Variants in G3BP1 observed in about 807,000 individuals in gnomAD.
The protein encoded by G3BP1 is G3BP stress granule assembly factor 1, also known as ras GTPase-activating protein-binding protein 1.
A neutral mutation model predicts 58.6 loss-of-function variants in G3BP1; 35 were observed. The ratio of observed to expected loss-of-function variants is 0.60; its 90% CI spans 0.46 to 0.79. G3BP1 has a LOEUF of 0.79. Ranked by LOEUF, G3BP1 falls within the 30% of genes least tolerant of loss-of-function variation. G3BP1 has a pLI of 0.00. For missense variants in G3BP1, 523 were observed against 580.8 expected (o/e 0.90, Z 1.02); for synonymous variants, 191 against 195.4 (o/e 0.98, Z 0.19).
intron 4 of G3BP1, among the ~76,000 whole-genome samples, chr5:151,793,911 G>C (rs1762703537): frequency 6.6e-6 from 1 of 151,898 alleles, no homozygotes. Context: ...CTACTTAGGA[G>C]GCTGAGGCAG....
rs781172966 is a variant in G3BP1 at position 151,812,740 on chromosome 5, G to C, written c.*8649G>C. 2.0e-5 allele frequency: 3 copies of C among 152,180 alleles called. No individual in the cohort carries two copies. The highest frequency in any genetic ancestry group is 2.9e-5 in the Non-Finnish European group (2 of 68,018). 9.4% of individuals were successfully genotyped at this position (152,180 alleles called of 1,614,324 possible). On this transcript the variant is annotated 3_prime_UTR_variant, in exon 12 of 12. Transcript: ENST00000356245. ...AATAACCCCTTCCTCCAGTGACTGT[G>C]CATTTATTTTGTAATAAACTCATTT...
Position 151,797,210 on chromosome 5 carries a change from A to T in G3BP1, c.540-17A>T, listed in dbSNP as rs1342807420. On this transcript the variant is annotated splice_polypyrimidine_tract_variant and intron_variant, in intron 6 of 11. Transcript: ENST00000356245. ...AAATGGTGGCAGAATGATATTTCTC[A>T]AATTTTCCTGTCAAAGTAATGACAT... The T allele has an allele frequency of 5.0e-6, 8 of 1,611,770 alleles. No homozygotes were observed. Among genetic ancestry groups the T allele is most frequent in the Non-Finnish European group, 8.5e-7 (1 of 1,178,858 alleles).
rs1010440795 is a variant in G3BP1 at position 151,795,047 on chromosome 5, G to A, written c.443-432G>A. On this transcript the variant is annotated intron_variant, in intron 5 of 11. Transcript: ENST00000356245. Reference sequence around the variant, plus strand: ...AATTCCAGCACTTTGGGAGGCCCAGGCGGGCAGATCACGAGGTCAGGAGAT... The same window carrying A: ...AATTCCAGCACTTTGGGAGGCCCAGACGGGCAGATCACGAGGTCAGGAGAT... Among the ~76,000 whole-genome samples the A allele has an allele frequency of 5.3e-5, 8 of 152,136 alleles. No homozygotes were observed. In the South Asian group the frequency reaches 8.3e-4, roughly 16 times the overall value.
intron 4 of G3BP1, chr5:151,791,995 T>C: frequency 2.4e-6 from 1 of 421,290 alleles, no homozygotes; most frequent in South Asian, 1.7e-5. Flanking sequence ...GGATGGGAGA[T>C]TCTCTATCTT....
chr5:151,779,237 C>CT (rs1354335266), intron 1 of G3BP1, among the ~76,000 whole-genome samples: 1 of 152,152 alleles, frequency 6.6e-6, no homozygotes, highest in Non-Finnish European at 1.5e-5. Context: ...TGTCTAAAAT[C>CT]TTTGCTTAGT....
rs1274130584 is a variant in G3BP1 at position 151,790,875 on chromosome 5, A to T, written c.178-14A>T. On this transcript the variant is annotated splice_polypyrimidine_tract_variant and intron_variant, in intron 3 of 11. Transcript: ENST00000356245. ...TTCTCAGTTGATTATTATTATTATTATTATTTTTTTAAGGAAATCCACAGG... is the reference window on the plus strand; with the variant it reads ...TTCTCAGTTGATTATTATTATTATTTTTATTTTTTTAAGGAAATCCACAGG... 7.0e-7 allele frequency: 1 copy of T among 1,424,358 alleles called. No individual in the cohort carries two copies. Among genetic ancestry groups the T allele is most frequent in the African/African-American group, 1.4e-5 (1 of 70,218 alleles). The allele number at this position is 1,424,358 out of a possible 1,614,324, so 88.2% of individuals were successfully genotyped here.
chr5:151,798,295 G>A (rs989555814), intron 7 of G3BP1, among the ~76,000 whole-genome samples: 1 of 152,150 alleles, frequency 6.6e-6, no homozygotes, highest in Non-Finnish European at 1.5e-5. Context: ...GCTGCAGTGA[G>A]CTATGATTAT....
chr5:151,777,154 T>C (rs1178601459), intron 1 of G3BP1, among the ~76,000 whole-genome samples: 1 of 152,226 alleles, frequency 6.6e-6, no homozygotes, highest in East Asian at 1.9e-4. Context: ...CTTTTCTTGC[T>C]CTGAGCACAG....
rs1275715317 is a variant in G3BP1 at position 151,807,942 on chromosome 5, G to A, written c.*3851G>A. 2 of 152,180 alleles carry A rather than the reference G, an allele frequency of 1.3e-5. No individual in the cohort carries two copies. Among genetic ancestry groups the A allele is most frequent in the African/African-American group, 4.8e-5 (2 of 41,420 alleles). The allele number at this position is 152,180 out of a possible 1,614,324, so 9.4% of individuals were successfully genotyped here. A position where few individuals can be genotyped will look rare whatever the true frequency, so the allele number is the denominator to read the frequency against. Reference sequence around the variant, plus strand: ...TACTTAAAGGAATCTTTGCAATGCTGCATATAGATAATTGTTGACCTTTTT... The same window carrying A: ...TACTTAAAGGAATCTTTGCAATGCTACATATAGATAATTGTTGACCTTTTT... On this transcript the variant is annotated 3_prime_UTR_variant, in exon 12 of 12. Transcript: ENST00000356245.
At position 151,800,250 on chromosome 5, in the gene G3BP1, C is replaced by A; in HGVS notation, c.988C>A (p.Pro330Thr). Residue 330 changes from proline (P) to threonine (T), a missense_variant, in exon 10 of 12, where the codon CCC becomes ACC. By Grantham distance (38) the Pro-to-Thr change is conservative. Coordinates refer to ENST00000356245, the MANE Select transcript of G3BP1 (RefSeq NM_005754.3). ...REAGEQGDIE[P>T]RRMVRHPDSH... ...GGCTGGTGAGCAAGGTGACATTGAA[C>A]CCCGAAGAATGGTGAGACACCCTGA... 6.2e-7 allele frequency: 1 copy of A among 1,612,712 alleles called. No individual in the cohort carries two copies. Among genetic ancestry groups the A allele is most frequent in the South Asian group, 1.1e-5 (1 of 91,032 alleles).
chr5:151,780,014 T>A (rs1006586806), intron 1 of G3BP1, among the ~76,000 whole-genome samples: 2 of 152,220 alleles, frequency 1.3e-5, no homozygotes, highest in Admixed American at 1.3e-4. Flanking sequence ...TTTTATTAGA[T>A]AGTGCAAAAT....
intron 6 of G3BP1, 46 bp downstream of exon 6, chr5:151,795,621 A>G (rs187892506): frequency 2.2e-6 from 2 of 897,880 alleles, no homozygotes; most frequent in East Asian, 2.4e-5. Context: ...AAGAACTTGC[A>G]TTGTCTAGTC....
chr5:151,798,689 C>T (rs556634338), intron 7 of G3BP1, among the ~76,000 whole-genome samples: 1 of 152,234 alleles, frequency 6.6e-6, no homozygotes, highest in South Asian at 2.1e-4. Flanking sequence ...TTGGGCCAGG[C>T]GTTGTGGCTT....
rs1030718270 is a variant in G3BP1 at position 151,777,286 on chromosome 5, T to G, written c.-50+5250T>G. Among the ~76,000 whole-genome samples, 7 of 152,342 alleles carry G rather than the reference T, an allele frequency of 4.6e-5. No individual in the cohort carries two copies. The South Asian group carries it at 1.4e-3, about 32-fold the overall frequency. Reference sequence around the variant, plus strand: ...CATGACATAATCCTGAAACAAAATTTACAAAAATTTAATATATTCTCAAGT... The same window carrying G: ...CATGACATAATCCTGAAACAAAATTGACAAAAATTTAATATATTCTCAAGT... On this transcript the variant is annotated intron_variant, in intron 1 of 11. Transcript: ENST00000356245.
At chr5:151,801,307 G>A (rs979049844) in intron 11 of G3BP1, among the ~76,000 whole-genome samples, 2 of 152,142 alleles carry the variant, frequency 1.3e-5, no homozygotes, top group Non-Finnish European at 2.9e-5. Flanking sequence ...GGATTTGGAA[G>A]ATAAATTATA....
chr5:151,801,817 T>A (rs528653665), intron 11 of G3BP1, among the ~76,000 whole-genome samples: 1,996 of 151,938 alleles, frequency 0.013, 38 homozygotes, highest in African/African-American at 0.045. Context: ...TTTTATTTTT[T>A]TATTTTTTTT....
Position 151,790,994 on chromosome 5 carries a change from A to T in G3BP1, c.283A>T (p.Met95Leu). ...AAATGATGGTGTGGTAGTCCAGGTG[A>T]TGGGGCTTCTCTCTAACAACAACCA... Reference protein sequence around the residue: ...TLNDGVVVQVMGLLSNNNQAL... With the variant: ...TLNDGVVVQVLGLLSNNNQAL... Residue 95 changes from methionine to leucine, a missense_variant, in exon 4 of 12, where the codon ATG becomes TTG. By Grantham distance (15) the Met-to-Leu change is conservative (BLOSUM62 2). Around this residue, in one of 2 missense-constraint regions of G3BP1, gnomAD observed 398 missense variants for 399.1 expected, o/e 1.00. Transcript: ENST00000356245. 6.2e-7 allele frequency: 1 copy of T among 1,613,630 alleles called. No homozygotes were observed. The highest frequency in any genetic ancestry group is 2.2e-5 in the East Asian group (1 of 44,880).
In G3BP1 at chr5:151,805,774, A is replaced by G. The variant is rs1762930897; in HGVS notation, c.*1683A>G. On this transcript the variant is annotated 3_prime_UTR_variant, in exon 12 of 12. Transcript: ENST00000356245. Reference sequence around the variant, plus strand: ...ACTTTTGGCCCAGATCACTGATAATAGGAAGAAATACAACTTATACTTTTG... The same window carrying G: ...ACTTTTGGCCCAGATCACTGATAATGGGAAGAAATACAACTTATACTTTTG... 1 of 152,206 alleles carries G rather than the reference A, an allele frequency of 6.6e-6. No homozygotes were observed. The highest frequency in any genetic ancestry group is 6.5e-5 in the Admixed American group (1 of 15,280). The allele number at this position is 152,206 out of a possible 1,614,324, so 9.4% of individuals were successfully genotyped here.
chr5:151,789,586 G>T (rs1762611553), intron 2 of G3BP1, among the ~76,000 whole-genome samples: 1 of 152,218 alleles, frequency 6.6e-6, no homozygotes, highest in African/African-American at 2.4e-5. Context: ...AAAACCACTT[G>T]CATGAACTAG....
Sources: allele counts gnomAD v4.1 joint callset (sites outside exome capture counted in the v4.1 genomes callset), GRCh38; gene constraint gnomAD v4.1.1; regional missense constraint gnomAD v4.1.1; transcripts MANE v1.5; gene names NCBI Gene and HGNC (gene_info 2026-07-23, HGNC 2026-07-21).